GPC6: variants seen among roughly 807,000 people sequenced by gnomAD.
GPC6 encodes glypican-6.
GPC6 carries 14 observed loss-of-function variants against 55.2 expected under a neutral mutation model. The ratio of observed to expected loss-of-function variants is 0.25; its 90% CI spans 0.17 to 0.40. The LOEUF is 0.40. Ranked by LOEUF, GPC6 falls within the 10% of genes least tolerant of loss-of-function variation. The probability of loss-of-function intolerance (pLI) is 1.00; values close to 1 mark genes in which losing one functional copy is unlikely to be tolerated. For missense variants in GPC6, 641 were observed against 708.5 expected, an observed-to-expected ratio of 0.90 and a Z score of 1.08; for synonymous variants, 278 against 259.6, an observed-to-expected ratio of 1.07 and a Z score of -0.68.
intron 4 of GPC6, among the ~76,000 whole-genome samples, chr13:94,188,190 A>T (rs1270512577): frequency 6.6e-6 from 1 of 152,210 alleles, no homozygotes; most frequent in Non-Finnish European, 1.5e-5. Context: ...GAGTGTGTGC[A>T]CTAAGGTGCA....
chr13:93,568,967 G>A (rs1876269117), intron 2 of GPC6, among the ~76,000 whole-genome samples: 1 of 152,090 alleles, frequency 6.6e-6, no homozygotes, highest in South Asian at 2.1e-4. Context: ...GCAAAGATAG[G>A]GAAAGGAACT....
At chr13:93,554,157 AAGAG>A (rs916016699) in intron 2 of GPC6, among the ~76,000 whole-genome samples, 3 of 151,122 alleles carry the variant, frequency 2.0e-5, no homozygotes, top group Middle Eastern at 3.4e-3. Context: ...AAAAAAAAAA[AAGAG>A]AGAGAGAGAG....
intron 2 of GPC6, among the ~76,000 whole-genome samples, chr13:93,738,511 A>G (rs1286678589): frequency 6.6e-6 from 1 of 152,204 alleles, no homozygotes; most frequent in African/African-American, 2.4e-5. Context: ...AAATTCATAT[A>G]CCACATATTT....
At chr13:93,251,868 A>ATATT (rs1490105245) in intron 1 of GPC6, among the ~76,000 whole-genome samples, 5 of 152,320 alleles carry the variant, frequency 3.3e-5, no homozygotes, top group Non-Finnish European at 5.9e-5. Context: ...ATGCTGTTAA[A>ATATT]TGTCAAACAG....
chr13:93,489,809 A>G (rs1225626270), intron 1 of GPC6, among the ~76,000 whole-genome samples: 3 of 151,590 alleles, frequency 2.0e-5, no homozygotes, highest in African/African-American at 7.2e-5. Context: ...ATTTTTGCAC[A>G]TTGATTTTGT....
At chr13:93,826,568 G>A (rs1292896044) in intron 2 of GPC6, among the ~76,000 whole-genome samples, 2 of 152,174 alleles carry the variant, frequency 1.3e-5, no homozygotes, top group Non-Finnish European at 2.9e-5. Flanking sequence ...ATCCAATCCT[G>A]TACCTAATCC....
intron 1 of GPC6, among the ~76,000 whole-genome samples, chr13:93,532,976 G>T (rs1168353144): frequency 6.6e-6 from 1 of 152,168 alleles, no homozygotes; most frequent in African/African-American, 2.4e-5. Context: ...TAGTTTGAAT[G>T]ATAAGGTCCC....
At chr13:93,228,824 T>C (rs111252650) in intron 1 of GPC6, among the ~76,000 whole-genome samples, 2,618 of 152,288 alleles carry the variant, frequency 0.017, 79 homozygotes, top group African/African-American at 0.06. Context: ...GAAAAGCATT[T>C]TGCAGATATC....
At chr13:93,857,606 A>G (rs531932704) in intron 3 of GPC6, among the ~76,000 whole-genome samples, 13 of 151,594 alleles carry the variant, frequency 8.6e-5, no homozygotes, top group Non-Finnish European at 1.8e-4. Context: ...AAGAAGCTTT[A>G]AATTGAAATC....
chr13:93,369,032 G>A (rs911365710), intron 1 of GPC6, among the ~76,000 whole-genome samples: 1 of 152,034 alleles, frequency 6.6e-6, no homozygotes, highest in African/African-American at 2.4e-5. Context: ...TAACTGCTGA[G>A]TGGTGATAGA....
intron 1 of GPC6, among the ~76,000 whole-genome samples, chr13:93,379,985 C>G (rs1015516977): frequency 6.8e-6 from 1 of 146,868 alleles, no homozygotes; most frequent in African/African-American, 2.5e-5. Flanking sequence ...AAGAGCCCTG[C>G]AAGTTTCTCT....
intron 3 of GPC6, among the ~76,000 whole-genome samples, chr13:93,928,451 A>C (rs548878682): frequency 6.6e-6 from 1 of 152,278 alleles, no homozygotes; most frequent in African/African-American, 2.4e-5. Context: ...AACATAATAC[A>C]ATATTGACAA....
At chr13:93,833,093 A>G (rs187934247) in intron 3 of GPC6, among the ~76,000 whole-genome samples, 1,763 of 139,694 alleles carry the variant, frequency 0.013, 53 homozygotes, top group African/African-American at 0.045. Flanking sequence ...ATGGATGGGT[A>G]GATAGGTAGA....
At chr13:93,610,359 A>C (rs1409158081) in intron 2 of GPC6, among the ~76,000 whole-genome samples, 1 of 152,212 alleles carries the variant, frequency 6.6e-6, no homozygotes, top group African/African-American at 2.4e-5. Context: ...TGTATTTTAC[A>C]TCGCAACCCA....
chr13:93,867,409 A>T (rs569315838), intron 3 of GPC6, among the ~76,000 whole-genome samples: 1 of 151,830 alleles, frequency 6.6e-6, no homozygotes, highest in Admixed American at 6.6e-5. Context: ...GGGATGTTGG[A>T]CAAGCTACTG....
chr13:94,299,767 C>T (rs1394154886), intron 5 of GPC6, among the ~76,000 whole-genome samples: 3 of 152,164 alleles, frequency 2.0e-5, no homozygotes, highest in African/African-American at 7.2e-5. Flanking sequence ...GTTATAGCCA[C>T]CAGAATGCAC....
rs75030103 is a variant in GPC6 at position 93,691,619 on chromosome 13, A to G, written c.320-138535A>G. On this transcript the variant is annotated intron_variant, in intron 2 of 8. Transcript: ENST00000377047. ...TACTGCTATTTCAAATGAAAAAATT[A>G]TTCACACCTTCATGTTTCTGAGGTT... is the stretch of plus-strand genomic sequence containing the variant. 1.4e-3 allele frequency among the ~76,000 whole-genome samples: 219 copies of G among 152,054 alleles called. 1 individual carries two copies. The highest frequency in any genetic ancestry group is 5.1e-3 in the African/African-American group (211 of 41,512).
At chr13:93,354,653 C>G (rs868379857) in intron 1 of GPC6, among the ~76,000 whole-genome samples, 16 of 151,776 alleles carry the variant, frequency 1.1e-4, no homozygotes, top group Admixed American at 3.9e-4. Flanking sequence ...CGTGAGCCAC[C>G]GCACCCAGCC....
chr13:93,967,483 A>G (rs1880099505), intron 3 of GPC6, among the ~76,000 whole-genome samples: 10 of 152,170 alleles, frequency 6.6e-5, no homozygotes, highest in Admixed American at 6.5e-4. Flanking sequence ...GCTTAAAAAG[A>G]CTGAAAATGC....
Sources: allele counts gnomAD v4.1 joint callset (sites outside exome capture counted in the v4.1 genomes callset), GRCh38; gene constraint gnomAD v4.1.1; transcripts MANE v1.5; gene names NCBI Gene and HGNC (gene_info 2026-07-23, HGNC 2026-07-21).